Variants in CPSF3 observed in about 807,000 individuals in gnomAD.
The protein encoded by CPSF3 is cleavage and polyadenylation specific factor 3.
In CPSF3, 57 loss-of-function variants were observed where a neutral mutation model predicts 84.1. The ratio of observed to expected loss-of-function variants is 0.68; its 90% CI spans 0.55 to 0.85. CPSF3 has a LOEUF of 0.85. Ranked by LOEUF, CPSF3 falls within the 40% of genes least tolerant of loss-of-function variation. CPSF3 has a pLI of 0.00. For synonymous variants in CPSF3, 275 were observed against 278.1 expected, an observed-to-expected ratio of 0.99 and a Z score of 0.11; for missense variants, 522 against 838.8, an observed-to-expected ratio of 0.62 and a Z score of 4.66.
Position 9,455,754 on chromosome 2 carries a change from A to T in CPSF3, c.1600A>T (p.Thr534Ser). 3 of 1,608,978 alleles carry T rather than the reference A, an allele frequency of 1.9e-6. No individual in the cohort carries two copies. The highest frequency in any genetic ancestry group is 1.7e-5 in the Admixed American group (1 of 59,982). ...NLLCYQLQKL[T>S]GDVEELEIQE... The stretch of plus-strand genomic sequence containing the variant: ...GCTCTGTTACCAGCTGCAGAAATTG[A>T]CAGGTGTGTGTGTGTACTGAAATTC... Residue 534 changes from threonine (T) to serine (S), a missense_variant, in exon 13 of 18, where the codon ACA (threonine) becomes TCA (serine). Physicochemically the swap from Thr to Ser is moderately conservative, Grantham distance 58. Around this residue, in one of 2 missense-constraint regions of CPSF3, gnomAD observed 193 missense variants for 231.6 expected, o/e 0.83. Coordinates refer to ENST00000238112, the MANE Select transcript of CPSF3 (RefSeq NM_016207.4).
chr2:9,473,093 T>C lies in CPSF3; in HGVS notation c.*76T>C. 3.0e-6 allele frequency: 3 copies of C among 1,011,796 alleles called. No individual in the cohort carries two copies. The South Asian group carries it at 4.1e-5, about 14-fold the overall frequency. 62.7% of individuals were successfully genotyped at this position (1,011,796 alleles called of 1,614,324 possible). A position where few individuals can be genotyped will look rare whatever the true frequency, so the allele number is the denominator to read the frequency against. ...ACCTAAAATAAAATGCATTCGTTTC[T>C]CTGGGGGAGCCTGTTTACTTTTAAT... On this transcript the variant is annotated 3_prime_UTR_variant, in exon 18 of 18. Coordinates refer to ENST00000238112, the MANE Select transcript of CPSF3 (RefSeq NM_016207.4).
At chr2:9,450,175 G>A (rs1681269129) in intron 11 of CPSF3, among the ~76,000 whole-genome samples, 1 of 146,468 alleles carries the variant, frequency 6.8e-6, no homozygotes, top group Admixed American at 6.9e-5. Flanking sequence ...TTTTTTAGAA[G>A]GAGTCTTGCT....
At chr2:9,440,757 C>A in intron 8 of CPSF3, 91 bp downstream of exon 8, 1 of 1,320,476 alleles carries the variant, frequency 7.6e-7, no homozygotes, top group Non-Finnish European at 1.1e-6. Flanking sequence ...TGGCTCACAG[C>A]TGTAATTTAG....
chr2:9,425,161 G>A (rs1381844053), intron 1 of CPSF3, among the ~76,000 whole-genome samples: 1 of 152,202 alleles, frequency 6.6e-6, no homozygotes, highest in East Asian at 1.9e-4. Context: ...TCTAGGCAGT[G>A]GAAGTGGCAC....
Position 9,472,935 on chromosome 2 carries a change from G to GA in CPSF3, c.1975dup (p.Ser659LysfsTer2), listed in dbSNP as rs1251026875. ...TTTCAGACTGTAGAATGTGAAGAGG[G>GA]AAGTGAAGACGATGAATCCCTCCGA... On this transcript the variant is annotated frameshift_variant, in exon 18 of 18. Coordinates refer to ENST00000238112, the MANE Select transcript of CPSF3 (RefSeq NM_016207.4). LOFTEE classifies it high-confidence loss of function. 6.2e-7 allele frequency: 1 copy of GA among 1,613,086 alleles called. No individual in the cohort carries two copies. The highest frequency in any genetic ancestry group is 1.7e-5 in the Admixed American group (1 of 59,984).
intron 10 of CPSF3, among the ~76,000 whole-genome samples, chr2:9,445,090 C>T (rs1278869204): frequency 3.9e-5 from 6 of 152,172 alleles, no homozygotes; most frequent in African/African-American, 1.4e-4. Flanking sequence ...GTACAACCAT[C>T]ACCACTGTCT....
At position 9,443,537 on chromosome 2, in the gene CPSF3, A is replaced by G; in HGVS notation, c.1118A>G (p.Glu373Gly). The G allele has an allele frequency of 6.2e-7, 1 of 1,613,722 alleles. No homozygotes were observed. Among genetic ancestry groups the G allele is most frequent in the Non-Finnish European group, 8.5e-7 (1 of 1,179,688 alleles). Residue 373 changes from glutamate to glycine, a missense_variant, in exon 10 of 18, where the codon GAA becomes GGA. This residue lies in a region of CPSF3 where 329 missense variants were observed against 607.2 expected (regional missense o/e 0.54). Transcript: ENST00000238112. The part of the protein sequence containing the change: ...LAKHIMSEPE[E>G]ITTMSGQKLP... ...CAGCACATCATGTCTGAACCTGAAGAAATCACTACTATGTCTGGACAGAAG... is the reference window on the plus strand; with the variant it reads ...CAGCACATCATGTCTGAACCTGAAGGAATCACTACTATGTCTGGACAGAAG...
intron 7 of CPSF3, among the ~76,000 whole-genome samples, chr2:9,439,277 A>G (rs1416373171): frequency 6.6e-6 from 1 of 152,114 alleles, no homozygotes; most frequent in Non-Finnish European, 1.5e-5. Flanking sequence ...ATTAGAAATT[A>G]TAGATGTAAA....
At chr2:9,454,083 A>G (rs1413551188) in intron 12 of CPSF3, among the ~76,000 whole-genome samples, 1 of 152,146 alleles carries the variant, frequency 6.6e-6, no homozygotes, top group Non-Finnish European at 1.5e-5. Flanking sequence ...TTTACATGGT[A>G]CTAATACATT....
chr2:9,461,532 G>C (rs1011436682), intron 15 of CPSF3, among the ~76,000 whole-genome samples: 1 of 151,942 alleles, frequency 6.6e-6, no homozygotes, highest in African/African-American at 2.4e-5. Context: ...CAGGGGTGCT[G>C]GCAGGTGCCT....
At position 9,455,737 on chromosome 2, in the gene CPSF3, A is replaced by T; in HGVS notation, c.1583A>T (p.Tyr528Phe). The T allele has an allele frequency of 6.2e-7, 1 of 1,613,668 alleles. No individual in the cohort carries two copies. Among genetic ancestry groups the T allele is most frequent in the Non-Finnish European group, 8.5e-7 (1 of 1,179,666 alleles). Residue 528 changes from tyrosine to phenylalanine, a missense_variant, in exon 13 of 18, where the codon TAC becomes TTC. Tyr to Phe is a conservative substitution (Grantham distance 22). Around this residue, in one of 2 missense-constraint regions of CPSF3, gnomAD observed 193 missense variants for 231.6 expected, o/e 0.83. Transcript: ENST00000238112. Reference sequence around the variant, plus strand: ...ACTGGTCCCTTTAATTTGCTCTGTTACCAGCTGCAGAAATTGACAGGTGTG... The same window carrying T: ...ACTGGTCCCTTTAATTTGCTCTGTTTCCAGCTGCAGAAATTGACAGGTGTG... ...PYTGPFNLLC[Y>F]QLQKLTGDVE... is the part of the protein sequence containing the mutation.
At chr2:9,447,241 A>T (rs1415053086) in intron 10 of CPSF3, among the ~76,000 whole-genome samples, 1 of 152,230 alleles carries the variant, frequency 6.6e-6, no homozygotes, top group Non-Finnish European at 1.5e-5. Context: ...GCATTTTGGG[A>T]GGCCAAGATG....
chr2:9,448,211 G>A lies in CPSF3; in HGVS notation c.1256G>A (p.Gly419Glu), dbSNP rs952265464. The change falls in exon 11 of 18, where the codon GGA (glycine) becomes GAA (glutamate). Residue 419 changes from glycine to glutamate, a missense_variant. Coordinates refer to ENST00000238112, the MANE Select transcript of CPSF3 (RefSeq NM_016207.4). ...TATTCTATGTAGATTTTAGTCCATG[G>A]AGAACAGAATGAAATGGCCAGATTG... is the stretch of plus-strand genomic sequence containing the variant. ...LKPPHVILVH[G>E]EQNEMARLKA... 1 of 1,601,292 alleles carries A rather than the reference G, an allele frequency of 6.2e-7. No homozygotes were observed. The highest frequency in any genetic ancestry group is 8.5e-7 in the Non-Finnish European group (1 of 1,171,148).
chr2:9,435,707 A>G (rs186500367), intron 6 of CPSF3, among the ~76,000 whole-genome samples: 193 of 151,776 alleles, frequency 1.3e-3, no homozygotes, highest in African/African-American at 4.3e-3. Flanking sequence ...ATGAGCCACC[A>G]TGCCCGGCCT....
chr2:9,468,122 ATTTAC>A (rs1682037772), intron 16 of CPSF3: 1 of 215,588 alleles, frequency 4.6e-6, no homozygotes, highest in East Asian at 1.0e-4. Context: ...TATTTTATAT[ATTTAC>A]TTGTTAAATG....
chr2:9,446,894 G>A (rs900766197), intron 10 of CPSF3, among the ~76,000 whole-genome samples: 9 of 151,952 alleles, frequency 5.9e-5, no homozygotes, highest in African/African-American at 1.9e-4. Flanking sequence ...GCCTGTAATC[G>A]TACCACTCTG....
At chr2:9,435,882 AC>A (rs1321282598) in intron 6 of CPSF3, among the ~76,000 whole-genome samples, 1 of 150,838 alleles carries the variant, frequency 6.6e-6, no homozygotes, top group Non-Finnish European at 1.5e-5. Flanking sequence ...ACAGGCGCCC[AC>A]CACCACGCCC....
intron 7 of CPSF3, among the ~76,000 whole-genome samples, chr2:9,437,441 G>A (rs1680825636): frequency 6.6e-6 from 1 of 151,930 alleles, no homozygotes; most frequent in African/African-American, 2.4e-5. Flanking sequence ...AAAACTATAT[G>A]TACTCTGATC....
chr2:9,438,736 T>TA (rs923446341), intron 7 of CPSF3, among the ~76,000 whole-genome samples: 4 of 152,156 alleles, frequency 2.6e-5, no homozygotes, highest in African/African-American at 9.7e-5. Context: ...ATTCTTATAC[T>TA]AAAAATCTTT....
Sources: gnomAD v4.1 joint callset for allele counts (sites outside exome capture counted in the v4.1 genomes callset) on GRCh38, gnomAD v4.1.1 for gene constraint, gnomAD v4.1.1 regional missense constraint, MANE v1.5 for transcripts, NCBI Gene and HGNC (gene_info 2026-07-23, HGNC 2026-07-21) for gene names.